Variants in CDH6 observed in about 807,000 individuals in gnomAD.
The protein encoded by CDH6 is cadherin-6.
Under a neutral mutation model 78.0 loss-of-function variants are expected in CDH6, and 31 were observed. The observed-to-expected ratio is 0.40, with a 90% confidence interval of 0.30 to 0.54. The LOEUF (loss-of-function observed/expected upper bound fraction) is 0.54. Among genes scored for constraint, CDH6 ranks in the 20% least tolerant of loss-of-function variants. CDH6 has a pLI of 0.56. For missense variants in CDH6, 724 were observed against 975.9 expected, an observed-to-expected ratio of 0.74 and a Z score of 3.44; for synonymous variants, 376 against 368.8, an observed-to-expected ratio of 1.02 and a Z score of -0.23.
intron 1 of CDH6, among the ~76,000 whole-genome samples, chr5:31,252,250 C>T (rs1041447344): frequency 4.6e-5 from 7 of 151,822 alleles, no homozygotes; most frequent in African/African-American, 1.5e-4. Context: ...TACATTAGTA[C>T]GGGAACCACA....
intron 2 of CDH6, among the ~76,000 whole-genome samples, chr5:31,279,574 A>T (rs1354777865): frequency 6.6e-6 from 1 of 152,032 alleles, no homozygotes; most frequent in African/African-American, 2.4e-5. Flanking sequence ...TGCCTCAAAA[A>T]ATATATATAT....
intron 2 of CDH6, 26 bp from the exon 3 acceptor site, chr5:31,293,936 T>C (rs747869161): frequency 1.3e-6 from 2 of 1,496,742 alleles, no homozygotes; most frequent in Non-Finnish European, 1.8e-6. Context: ...ACTTTTACTT[T>C]CTTTAATTTT....
At chr5:31,257,045 C>A (rs1294015678) in intron 1 of CDH6, among the ~76,000 whole-genome samples, 1 of 152,198 alleles carries the variant, frequency 6.6e-6, no homozygotes, top group Non-Finnish European at 1.5e-5. Context: ...CCTTTTCAAA[C>A]CAAACATTCA....
rs142970431 is a variant in CDH6, at chr5:31,328,991, C to T, written c.*5683C>T. 1,604 of 219,008 alleles carry T rather than the reference C, an allele frequency of 7.3e-3. 6 individuals carry two copies. Among genetic ancestry groups the T allele is most frequent in the Non-Finnish European group, 0.011 (1,168 of 109,228 alleles). The allele number at this position is 219,008 out of a possible 1,614,324, so 13.6% of individuals were successfully genotyped here. On this transcript the variant is annotated 3_prime_UTR_variant, in exon 12 of 12. Transcript: ENST00000265071. The stretch of plus-strand genomic sequence containing the variant: ...GGCAAATACGCACTCCTTGAAATGG[C>T]TTCTTTTATTTGGTTTTGTTTTCTT...
At chr5:31,265,571 C>T (rs1374146018) in intron 1 of CDH6, among the ~76,000 whole-genome samples, 1 of 152,098 alleles carries the variant, frequency 6.6e-6, no homozygotes, top group East Asian at 1.9e-4. Context: ...GTCACATATA[C>T]ATTTACCTGG....
At chr5:31,277,872 A>G (rs1349550347) in intron 2 of CDH6, among the ~76,000 whole-genome samples, 1 of 152,166 alleles carries the variant, frequency 6.6e-6, no homozygotes, top group Non-Finnish European at 1.5e-5. Context: ...TTCCAGCTTT[A>G]TTGAGGTATA....
chr5:31,205,093 A>C (rs1740478917), intron 1 of CDH6, among the ~76,000 whole-genome samples: 2 of 152,222 alleles, frequency 1.3e-5, no homozygotes, highest in South Asian at 4.1e-4. Context: ...TTGCCAACTC[A>C]AGATGAGAGT....
intron 1 of CDH6, among the ~76,000 whole-genome samples, chr5:31,209,513 A>G (rs1359934491): frequency 6.6e-6 from 1 of 152,182 alleles, no homozygotes; most frequent in African/African-American, 2.4e-5. Context: ...GGGGAAGGCA[A>G]TAAGTAACCC....
chr5:31,304,720 C>A (rs1737931455), intron 6 of CDH6, among the ~76,000 whole-genome samples: 2 of 140,674 alleles, frequency 1.4e-5, no homozygotes, highest in East Asian at 2.2e-4. Context: ...GATGTGAGAA[C>A]ATCTGACATG....
rs898613264 is a variant in CDH6 at position 31,328,775 on chromosome 5, G to T, written c.*5467G>T. ...ATGCTCACTCTTGTCGTTTTCCTCAGTATCGTTCATGTCTTTGGCAACAAG... is the reference window on the plus strand; with the variant it reads ...ATGCTCACTCTTGTCGTTTTCCTCATTATCGTTCATGTCTTTGGCAACAAG... On this transcript the variant is annotated 3_prime_UTR_variant, in exon 12 of 12. Coordinates refer to ENST00000265071, the MANE Select transcript of CDH6 (RefSeq NM_004932.4). The T allele has an allele frequency of 6.4e-5, 14 of 217,800 alleles. No individual in the cohort carries two copies. The highest frequency in any genetic ancestry group is 3.7e-5 in the Non-Finnish European group (4 of 108,486). The allele number at this position is 217,800 out of a possible 1,614,324, so 13.5% of individuals were successfully genotyped here.
chr5:31,265,293 C>A (rs990469780), intron 1 of CDH6, among the ~76,000 whole-genome samples: 1 of 152,134 alleles, frequency 6.6e-6, no homozygotes, highest in African/African-American at 2.4e-5. Context: ...GTCATTCCAC[C>A]CCTGTACCAA....
At position 31,302,954 on chromosome 5, in the gene CDH6, A is replaced by G. The variant is rs151171889; in HGVS notation, c.999+656A>G. 2.0e-3 allele frequency among the ~76,000 whole-genome samples: 265 copies of G among 129,718 alleles called. 1 individual carries two copies. The highest frequency in any genetic ancestry group is 8.4e-3 in the South Asian group (33 of 3,916). The allele number at this position is 129,718 out of a possible 152,430, so 85.1% of individuals were successfully genotyped here. A position where few individuals can be genotyped will look rare whatever the true frequency, so the allele number is the denominator to read the frequency against. On this transcript the variant is annotated intron_variant, in intron 6 of 11. Transcript: ENST00000265071. ...AAGAAAGAAAGAAAGAAAGAAAGAA[A>G]GAAGGAAAGAAAAGAAAGAAAGAAA...
chr5:31,233,896 A>G (rs1741384469), intron 1 of CDH6, among the ~76,000 whole-genome samples: 1 of 152,212 alleles, frequency 6.6e-6, no homozygotes, highest in Admixed American at 6.5e-5. Flanking sequence ...ACTTGCTTCG[A>G]GTGTGTCTCC....
intron 1 of CDH6, among the ~76,000 whole-genome samples, chr5:31,267,140 G>C (rs1436691185): frequency 6.6e-6 from 1 of 152,080 alleles, no homozygotes; most frequent in Non-Finnish European, 1.5e-5. Flanking sequence ...GGTAGAAAAG[G>C]AGAAAGAAAA....
chr5:31,256,275 A>G (rs1742051490), intron 1 of CDH6, among the ~76,000 whole-genome samples: 1 of 152,166 alleles, frequency 6.6e-6, no homozygotes, highest in Admixed American at 6.5e-5. Context: ...AGGATTACTG[A>G]TGTCTCAAAT....
chr5:31,264,848 A>C (rs548228489), intron 1 of CDH6, among the ~76,000 whole-genome samples: 1 of 152,364 alleles, frequency 6.6e-6, no homozygotes, highest in African/African-American at 2.4e-5. Context: ...AAGAAAAAGA[A>C]TGAAATACTT....
chr5:31,284,497 G>A (rs1415857388), intron 2 of CDH6, among the ~76,000 whole-genome samples: 1 of 152,244 alleles, frequency 6.6e-6, no homozygotes, highest in African/African-American at 2.4e-5. Context: ...GGGCGATCAC[G>A]TGGTGAGGGA....
At chr5:31,276,195 A>G (rs1742688560) in intron 2 of CDH6, among the ~76,000 whole-genome samples, 1 of 152,132 alleles carries the variant, frequency 6.6e-6, no homozygotes, top group African/African-American at 2.4e-5. Context: ...AAGATCAAAA[A>G]GAAGTACAGA....
rs1561060909 is a variant in CDH6 at position 31,292,781 on chromosome 5, GTATATGTATATA to G, written c.229-1177_229-1166del. Among the ~76,000 whole-genome samples, 275 of 129,570 alleles carry G rather than the reference GTATATGTATATA, an allele frequency of 2.1e-3. 2 individuals carry two copies. Among genetic ancestry groups the G allele is most frequent in the South Asian group, 0.021 (83 of 3,946 alleles). 85.0% of individuals were successfully genotyped at this position (129,570 alleles called of 152,430 possible). A position where few individuals can be genotyped will look rare whatever the true frequency, so the allele number is the denominator to read the frequency against. ...TATATATGTGCGTGTGTGTATGTGT[GTATATGTATATA>G]TATGTGTGTGCATATATATATATGT... On this transcript the variant is annotated intron_variant, in intron 2 of 11. Transcript: ENST00000265071.
Sources: allele counts gnomAD v4.1 joint callset (sites outside exome capture counted in the v4.1 genomes callset), GRCh38; gene constraint gnomAD v4.1.1; transcripts MANE v1.5; gene names NCBI Gene and HGNC (gene_info 2026-07-23, HGNC 2026-07-21).